The following OPCML variants were observed in gnomAD, a reference collection of about 807,000 sequenced individuals.
OPCML encodes the protein opioid binding protein/cell adhesion molecule like, also known as opioid-binding protein/cell adhesion molecule.
A neutral mutation model predicts 37.8 loss-of-function variants in OPCML; 13 were observed. That is an observed-to-expected ratio of 0.34 (90% CI 0.22 to 0.55). The LOEUF is 0.55. OPCML is among the 20% of genes least tolerant of loss of function. The pLI is 0.91. For synonymous variants in OPCML, 176 were observed against 168.8 expected, an observed-to-expected ratio of 1.04 and a Z score of -0.33; for missense variants, 341 against 435.6, an observed-to-expected ratio of 0.78 and a Z score of 1.93.
At chr11:133,046,582 C>A (rs779986059) in intron 1 of OPCML, among the ~76,000 whole-genome samples, 6 of 152,150 alleles carry the variant, frequency 3.9e-5, no homozygotes, top group Non-Finnish European at 7.4e-5. Flanking sequence ...GAACACAACA[C>A]AACGCCAGGC....
chr11:132,933,823 C>T (rs1033851864), intron 2 of OPCML, among the ~76,000 whole-genome samples: 5 of 152,180 alleles, frequency 3.3e-5, no homozygotes, highest in South Asian at 4.2e-4. Flanking sequence ...AAGCACACGG[C>T]GGTACAAATT....
Position 132,619,658 on chromosome 11 carries a change from G to T in OPCML, c.379+37429C>A, listed in dbSNP as rs372087669. 1.3e-4 allele frequency among the ~76,000 whole-genome samples: 18 copies of T among 143,170 alleles called. No homozygotes were observed. In the East Asian group the frequency reaches 3.7e-3, roughly 29 times the overall value. The allele number at this position is 143,170 out of a possible 152,430, so 93.9% of individuals were successfully genotyped here. A position where few individuals can be genotyped will look rare whatever the true frequency, so the allele number is the denominator to read the frequency against. ...TCAAGACCATCCTGGCTAACATGGT[G>T]AAACCCCGTCTCTACTGAAAATACC... On this transcript the variant is annotated intron_variant, in intron 3 of 7. Transcript: ENST00000524381.
At chr11:132,886,055 A>G (rs976609609) in intron 2 of OPCML, among the ~76,000 whole-genome samples, 4 of 152,150 alleles carry the variant, frequency 2.6e-5, no homozygotes, top group Admixed American at 6.5e-5. Context: ...CCCTCTTTCC[A>G]TAATAAGTAT....
At chr11:132,950,463 G>A (rs1945834151) in intron 1 of OPCML, among the ~76,000 whole-genome samples, 1 of 152,196 alleles carries the variant, frequency 6.6e-6, no homozygotes, top group Non-Finnish European at 1.5e-5. Context: ...TGGGTTTAAG[G>A]AGGCAGGAAT....
intron 1 of OPCML, among the ~76,000 whole-genome samples, chr11:133,373,126 T>G (rs1234726544): frequency 6.6e-6 from 1 of 152,018 alleles, no homozygotes; most frequent in Non-Finnish European, 1.5e-5. Flanking sequence ...AGCTCTTACG[T>G]TATAAAAACT....
chr11:133,435,677 C>T (rs991534262), intron 1 of OPCML, among the ~76,000 whole-genome samples: 19 of 152,082 alleles, frequency 1.2e-4, no homozygotes, highest in African/African-American at 4.1e-4. Flanking sequence ...TTTATGTGGA[C>T]GATACAAGCA....
At chr11:133,438,021 TA>T (rs1256839643) in intron 1 of OPCML, among the ~76,000 whole-genome samples, 1 of 151,804 alleles carries the variant, frequency 6.6e-6, no homozygotes, top group Non-Finnish European at 1.5e-5. Context: ...CAAAACCAAG[TA>T]AAAAGATACA....
Position 132,441,165 on chromosome 11 carries a change from GT to G in OPCML, c.506-3807del, listed in dbSNP as rs68143578. Among the ~76,000 whole-genome samples the G allele has an allele frequency of 1.4e-3, 104 of 72,398 alleles. 2 individuals are homozygous for G. The highest frequency in any genetic ancestry group is 1.7e-3 in the African/African-American group (16 of 9,188). The allele number at this position is 72,398 out of a possible 152,430, so 47.5% of individuals were successfully genotyped here. A position where few individuals can be genotyped will look rare whatever the true frequency, so the allele number is the denominator to read the frequency against. ...AGATGTGTTCACCAAGGACTTTTTT[GT>G]TTTTTTTTTTTTTTTTTTTGAGACG... On this transcript the variant is annotated intron_variant, in intron 4 of 7. Transcript: ENST00000524381.
intron 2 of OPCML, among the ~76,000 whole-genome samples, chr11:132,812,789 C>T (rs1211077245): frequency 6.6e-6 from 1 of 152,218 alleles, no homozygotes; most frequent in Non-Finnish European, 1.5e-5. Context: ...TGTATATCTT[C>T]CTCACCAACT....
At chr11:133,261,878 G>T (rs1429902858) in intron 1 of OPCML, among the ~76,000 whole-genome samples, 1 of 152,142 alleles carries the variant, frequency 6.6e-6, no homozygotes, top group African/African-American at 2.4e-5. Flanking sequence ...TGGCTGTGCA[G>T]GCTAACCCAG....
chr11:133,371,891 A>C (rs1465366724), intron 1 of OPCML, among the ~76,000 whole-genome samples: 1 of 152,220 alleles, frequency 6.6e-6, no homozygotes, highest in Non-Finnish European at 1.5e-5. Context: ...GGAACTGAAG[A>C]TCGGCATATG....
intron 2 of OPCML, among the ~76,000 whole-genome samples, chr11:132,812,738 ACT>A (rs1239760152): frequency 2.0e-5 from 3 of 151,986 alleles, no homozygotes; most frequent in Admixed American, 1.3e-4. Flanking sequence ...TTCATCTCCT[ACT>A]CTGTTATTAC....
intron 2 of OPCML, among the ~76,000 whole-genome samples, chr11:132,730,710 C>T (rs1367044298): frequency 1.3e-5 from 2 of 151,924 alleles, no homozygotes; most frequent in Admixed American, 1.3e-4. Flanking sequence ...TGTGAGTGTC[C>T]TTCAGCCCAA....
At chr11:133,286,104 T>G (rs114118262) in intron 1 of OPCML, among the ~76,000 whole-genome samples, 2,348 of 152,236 alleles carry the variant, frequency 0.015, 62 homozygotes, top group African/African-American at 0.052. Flanking sequence ...AGCCTCCTTC[T>G]GCCCCACCCA....
chr11:132,431,256 C>T (rs2136705000), intron 7 of OPCML, among the ~76,000 whole-genome samples: 1 of 152,366 alleles, frequency 6.6e-6, no homozygotes, highest in East Asian at 1.9e-4. Context: ...AGCCCAGACA[C>T]TTAGAAAGCT....
chr11:133,286,114 A>C (rs1399264426), intron 1 of OPCML, among the ~76,000 whole-genome samples: 1 of 152,118 alleles, frequency 6.6e-6, no homozygotes, highest in Non-Finnish European at 1.5e-5. Flanking sequence ...TGCCCCACCC[A>C]GCCCCTGGCT....
At chr11:132,971,307 G>A (rs1416177756) in intron 1 of OPCML, among the ~76,000 whole-genome samples, 5 of 152,110 alleles carry the variant, frequency 3.3e-5, no homozygotes, top group South Asian at 4.1e-4. Flanking sequence ...CATACAGTTT[G>A]CTGTGCCACT....
intron 4 of OPCML, among the ~76,000 whole-genome samples, chr11:132,484,095 C>T (rs2096190978): frequency 6.6e-6 from 1 of 152,142 alleles, no homozygotes; most frequent in African/African-American, 2.4e-5. Context: ...AGAGCTTCTG[C>T]ACAGCAAAAG....
At chr11:132,425,858 T>G (rs2095976259) in intron 7 of OPCML, among the ~76,000 whole-genome samples, 2 of 152,266 alleles carry the variant, frequency 1.3e-5, no homozygotes, top group Admixed American at 6.5e-5. Context: ...CAGTACTTTC[T>G]GTGGGCAAAT....
Sources: gnomAD v4.1 joint callset for allele counts (sites outside exome capture counted in the v4.1 genomes callset) on GRCh38, gnomAD v4.1.1 for gene constraint, MANE v1.5 for transcripts, NCBI Gene and HGNC (gene_info 2026-07-23, HGNC 2026-07-21) for gene names.